SLC12A7: variants seen among roughly 807,000 people sequenced by gnomAD.
The protein encoded by SLC12A7 is K-Cl cotransporter 4.
A neutral mutation model predicts 120.6 loss-of-function variants in SLC12A7; 100 were observed. That is an observed-to-expected ratio of 0.83 (90% CI 0.71 to 0.98). The LOEUF is 0.98. Ranked by LOEUF, SLC12A7 falls within the 50% of genes least tolerant of loss-of-function variation. The pLI, the probability that SLC12A7 is intolerant of heterozygous loss-of-function variation, is 0.00. For missense variants in SLC12A7, 1,373 were observed against 1,548.1 expected (o/e 0.89, Z 1.90); for synonymous variants, 760 against 678.0 (o/e 1.12, Z -1.88).
chr5:1,110,561 G>A (rs1250124876), intron 1 of SLC12A7, among the ~76,000 whole-genome samples: 1 of 152,262 alleles, frequency 6.6e-6, no homozygotes, highest in African/African-American at 2.4e-5. Flanking sequence ...TTGAGAAGGG[G>A]CCGGCCAGAC....
intron 18 of SLC12A7, among the ~76,000 whole-genome samples, chr5:1,065,045 G>A (rs1736863449): frequency 6.8e-6 from 1 of 146,442 alleles, no homozygotes; most frequent in African/African-American, 2.5e-5. Context: ...GACAGCGAGG[G>A]GAGGCAGAGG....
chr5:1,126,856 G>T, the SLC12A7 span, among the ~76,000 whole-genome samples: 1 of 152,206 alleles, frequency 6.6e-6, no homozygotes, highest in African/African-American at 2.4e-5. Flanking sequence ...AAGTATAAAG[G>T]TAGTGGAGTG....
At chr5:1,053,552 A>G in intron 22 of SLC12A7, 70 bp from the exon 23 acceptor site, 2 of 1,557,958 alleles carry the variant, frequency 1.3e-6, no homozygotes, top group East Asian at 4.5e-5. Context: ...GGCTGAGCTG[A>G]GCCCTGATGA....
At chr5:1,143,005 G>C in the SLC12A7 span, among the ~76,000 whole-genome samples, 1 of 152,104 alleles carries the variant, frequency 6.6e-6, no homozygotes, top group Non-Finnish European at 1.5e-5. Flanking sequence ...GGGCTGAGAG[G>C]CGGCCAAAGA....
chr5:1,079,658 G>T (rs1330421783), intron 9 of SLC12A7, among the ~76,000 whole-genome samples, 162 bp from the exon 10 acceptor site: 1 of 152,148 alleles, frequency 6.6e-6, no homozygotes, highest in East Asian at 1.9e-4. Context: ...CTGCAATACT[G>T]CGGCTGAGGG....
At chr5:1,152,612 AC>A in the SLC12A7 span, among the ~76,000 whole-genome samples, 1 of 151,684 alleles carries the variant, frequency 6.6e-6, no homozygotes, top group Non-Finnish European at 1.5e-5. Context: ...GAGAAGGGAG[AC>A]CCCCAAGCTA....
At chr5:1,097,434 G>A (rs1172893296) in intron 1 of SLC12A7, among the ~76,000 whole-genome samples, 2 of 152,120 alleles carry the variant, frequency 1.3e-5, no homozygotes, top group African/African-American at 2.4e-5. Flanking sequence ...GGCAACCTAT[G>A]CAGTTGGAAA....
chr5:1,122,907 A>C, the SLC12A7 span, among the ~76,000 whole-genome samples: 3 of 152,242 alleles, frequency 2.0e-5, no homozygotes, highest in Non-Finnish European at 4.4e-5. Context: ...AAAATGTGTA[A>C]AATGTGTGAA....
the SLC12A7 span, among the ~76,000 whole-genome samples, chr5:1,155,286 C>G: frequency 6.6e-6 from 1 of 152,186 alleles, no homozygotes; most frequent in Non-Finnish European, 1.5e-5. Flanking sequence ...AGGGACCCGC[C>G]GTGGTCCCGA....
chr5:1,085,366 G>C lies in SLC12A7; in HGVS notation c.783C>G (p.Leu261=). 11 of 1,612,412 alleles carry C rather than the reference G, an allele frequency of 6.8e-6. No homozygotes were observed. Among genetic ancestry groups the C allele is most frequent in the Non-Finnish European group, 9.3e-6 (11 of 1,179,782 alleles). The part of the protein sequence containing the change: ...MRVYGTCTLV[L]MALVVFVGVK... ...CGCCCACGAAGACCACCAGGGCCAT[G>C]AGCACGAGCGTGCACGTGCCGTACA... is the stretch of plus-strand genomic sequence containing the variant. The change falls in exon 7 of 24, where the codon CTC becomes CTG. Residue 261 remains leucine, a synonymous_variant. Coordinates refer to ENST00000264930, the MANE Select transcript of SLC12A7 (RefSeq NM_006598.3).
chr5:1,059,397 G>A (rs1002920340), intron 21 of SLC12A7, among the ~76,000 whole-genome samples: 23 of 152,310 alleles, frequency 1.5e-4, no homozygotes, highest in Non-Finnish European at 2.8e-4. Context: ...AAGGCCCCAG[G>A]GCAGGCAAAT....
chr5:1,067,544 C>T (rs1465205808), intron 17 of SLC12A7, among the ~76,000 whole-genome samples: 11 of 152,262 alleles, frequency 7.2e-5, no homozygotes, highest in Admixed American at 6.5e-4. Context: ...AGGGAAACGG[C>T]TGTTCAGGAT....
Position 1,076,250 on chromosome 5 carries a change from C to G in SLC12A7, c.1749-14G>C, listed in dbSNP as rs200705160. 13,773 of 1,594,268 alleles carry G rather than the reference C, an allele frequency of 8.6e-3. 82 individuals are homozygous for G. The highest frequency in any genetic ancestry group is 9.1e-3 in the Non-Finnish European group (10,680 of 1,171,108). ...ATGAGGAAGAACCTGCAGGGACGGC[C>G]GGCCACTGATACGGGCCCACTGGGC... On this transcript the variant is annotated splice_polypyrimidine_tract_variant and intron_variant, in intron 13 of 23. Coordinates refer to ENST00000264930, the MANE Select transcript of SLC12A7 (RefSeq NM_006598.3).
the SLC12A7 span, among the ~76,000 whole-genome samples, chr5:1,143,191 C>T: frequency 6.6e-6 from 1 of 152,236 alleles, no homozygotes. Flanking sequence ...ACCGGAGCTT[C>T]CCGACATCCC....
At chr5:1,134,999 G>A in the SLC12A7 span, among the ~76,000 whole-genome samples, 2 of 150,382 alleles carry the variant, frequency 1.3e-5, no homozygotes, top group South Asian at 4.2e-4. Flanking sequence ...TGGTGGCGGG[G>A]GCCTGTAATC....
upstream of SLC12A7, among the ~76,000 whole-genome samples, chr5:1,116,261 C>T (rs995349827): frequency 3.3e-5 from 5 of 152,238 alleles, no homozygotes; most frequent in South Asian, 4.1e-4. Context: ...AGGCAGGCAC[C>T]GCAAGCTGCC....
chr5:1,069,425 A>C (rs1737408441), intron 17 of SLC12A7, among the ~76,000 whole-genome samples: 1 of 152,208 alleles, frequency 6.6e-6, no homozygotes. Flanking sequence ...GCGGCTGCAG[A>C]TGCCTGGACA....
chr5:1,120,939 G>C, the SLC12A7 span, among the ~76,000 whole-genome samples: 1 of 152,210 alleles, frequency 6.6e-6, no homozygotes. Context: ...GCCCGAGCTC[G>C]GAGCTCACCC....
At chr5:1,052,805 G>A (rs1174692629) in intron 23 of SLC12A7, among the ~76,000 whole-genome samples, 1 of 152,212 alleles carries the variant, frequency 6.6e-6, no homozygotes, top group Non-Finnish European at 1.5e-5. Flanking sequence ...CGATCAGGAC[G>A]CATGGAGGAC....
Sources: gnomAD v4.1 joint callset for allele counts (sites outside exome capture counted in the v4.1 genomes callset) on GRCh38, gnomAD v4.1.1 for gene constraint, MANE v1.5 for transcripts, NCBI Gene and HGNC (gene_info 2026-07-23, HGNC 2026-07-21) for gene names.